OTULIN: variants seen among roughly 807,000 people sequenced by gnomAD.
The protein encoded by OTULIN is ubiquitin thioesterase otulin.
A neutral mutation model predicts 39.6 loss-of-function variants in OTULIN; 15 were observed. That is an observed-to-expected ratio of 0.38 (90% CI 0.25 to 0.58). The LOEUF (loss-of-function observed/expected upper bound fraction) is 0.58, where lower values mean the gene tolerates loss of function less well. Ranked by LOEUF, OTULIN falls within the 20% of genes least tolerant of loss-of-function variation. OTULIN has a pLI of 0.66. For synonymous variants in OTULIN, 156 were observed against 170.3 expected, an observed-to-expected ratio of 0.92 and a Z score of 0.65; for missense variants, 319 against 445.9, an observed-to-expected ratio of 0.72 and a Z score of 2.56.
chr5:14,666,684 C>T (rs1245213873), intron 1 of OTULIN, among the ~76,000 whole-genome samples: 2 of 152,108 alleles, frequency 1.3e-5, no homozygotes, highest in Non-Finnish European at 2.9e-5. Context: ...ATTTTTGTTG[C>T]GTTTGATTAT....
intron 4 of OTULIN, among the ~76,000 whole-genome samples, chr5:14,686,065 C>T (rs1036880033): frequency 1.3e-5 from 2 of 152,176 alleles, no homozygotes; most frequent in East Asian, 1.9e-4. Flanking sequence ...TGATGTAGTT[C>T]GCCATCACTG....
chr5:14,667,878 C>G (rs576901691), intron 1 of OTULIN, among the ~76,000 whole-genome samples: 1 of 152,198 alleles, frequency 6.6e-6, no homozygotes, highest in Admixed American at 6.5e-5. Flanking sequence ...CAAGCTCCCT[C>G]TGCTGCTCTC....
chr5:14,696,343 C>T lies in OTULIN; in HGVS notation c.*3295C>T, dbSNP rs1366184512. ...CATTTTCTTATCTCCTTTTCTTAAGCAGTACTTTGCAGGTACTCCCCTTTG... is the reference window on the plus strand; with the variant it reads ...CATTTTCTTATCTCCTTTTCTTAAGTAGTACTTTGCAGGTACTCCCCTTTG... On this transcript the variant is annotated 3_prime_UTR_variant, in exon 7 of 7. Coordinates refer to ENST00000284274, the MANE Select transcript of OTULIN (RefSeq NM_138348.6). 3 of 152,214 alleles carry T rather than the reference C, an allele frequency of 2.0e-5. No individual in the cohort carries two copies. In the East Asian group the frequency reaches 5.8e-4, roughly 29 times the overall value. The allele number at this position is 152,214 out of a possible 1,614,324, so 9.4% of individuals were successfully genotyped here. A position where few individuals can be genotyped will look rare whatever the true frequency, so the allele number is the denominator to read the frequency against.
At chr5:14,706,179 C>CT in the OTULIN span, 2 of 152,274 alleles carry the variant, frequency 1.3e-5, no homozygotes, top group East Asian at 1.9e-4. Flanking sequence ...GTAAAGTGCA[C>CT]TTTAAGTTAT....
chr5:14,689,966 G>A, intron 5 of OTULIN, 73 bp from the exon 6 acceptor site: 1 of 1,458,608 alleles, frequency 6.9e-7, no homozygotes. Context: ...ATAATTTTGT[G>A]CTCATAGTAT....
intron 2 of OTULIN, among the ~76,000 whole-genome samples, chr5:14,676,012 T>C (rs1421852372): frequency 6.6e-6 from 1 of 152,224 alleles, no homozygotes; most frequent in African/African-American, 2.4e-5. Context: ...AGAAACCTTA[T>C]GGCTCTCCAA....
chr5:14,699,997 T>G (rs1406955259), downstream of OTULIN, among the ~76,000 whole-genome samples: 1 of 152,228 alleles, frequency 6.6e-6, no homozygotes, highest in Non-Finnish European at 1.5e-5. Flanking sequence ...TATGTTTCCT[T>G]AGGCTCTTAC....
rs981906537 is a variant in OTULIN, at chr5:14,695,240, T to C, written c.*2192T>C. 1 of 152,190 alleles carries C rather than the reference T, an allele frequency of 6.6e-6. No individual in the cohort carries two copies. Among genetic ancestry groups the C allele is most frequent in the African/African-American group, 2.4e-5 (1 of 41,456 alleles). 9.4% of individuals were successfully genotyped at this position (152,190 alleles called of 1,614,324 possible). A position where few individuals can be genotyped will look rare whatever the true frequency, so the allele number is the denominator to read the frequency against. On this transcript the variant is annotated 3_prime_UTR_variant, in exon 7 of 7. Coordinates refer to ENST00000284274, the MANE Select transcript of OTULIN (RefSeq NM_138348.6). ...TTCAAATAAATAGTACTTCAGGAAA[T>C]AGAAATGATTGACCAACTTTAAAAA...
chr5:14,673,923 T>C, intron 2 of OTULIN: 1 of 383,496 alleles, frequency 2.6e-6, no homozygotes, highest in Non-Finnish European at 4.7e-6. Flanking sequence ...CTGCATTCTT[T>C]ACATTCATAT....
intron 4 of OTULIN, among the ~76,000 whole-genome samples, chr5:14,686,713 G>A (rs1736396989): frequency 6.6e-6 from 1 of 152,148 alleles, no homozygotes; most frequent in African/African-American, 2.4e-5. Flanking sequence ...AAGACTGTTG[G>A]AAGAGTCTTA....
In OTULIN at chr5:14,698,751, G is replaced by A. The variant is rs1736736888; in HGVS notation, c.*5703G>A. ...CTGACTCTTGACCCCTGGCCATTGT[G>A]AGCAGAGGAATCAAGGGTTTAGGGA... On this transcript the variant is annotated 3_prime_UTR_variant, in exon 7 of 7. Coordinates refer to ENST00000284274, the MANE Select transcript of OTULIN (RefSeq NM_138348.6). The A allele has an allele frequency of 6.6e-6, 1 of 152,330 alleles. No individual in the cohort carries two copies. Among genetic ancestry groups the A allele is most frequent in the Non-Finnish European group, 1.5e-5 (1 of 68,174 alleles). The allele number at this position is 152,330 out of a possible 1,614,324, so 9.4% of individuals were successfully genotyped here.
chr5:14,714,860 C>T, the OTULIN span, among the ~76,000 whole-genome samples: 1 of 152,242 alleles, frequency 6.6e-6, no homozygotes, highest in Non-Finnish European at 1.5e-5. Flanking sequence ...TAGCCTGCTC[C>T]CAGCTGGGGC....
rs1317070673 is a variant in OTULIN, at chr5:14,696,229, A to G, written c.*3181A>G. 1 of 152,172 alleles carries G rather than the reference A, an allele frequency of 6.6e-6. No individual in the cohort carries two copies. Among genetic ancestry groups the G allele is most frequent in the Non-Finnish European group, 1.5e-5 (1 of 68,040 alleles). 9.4% of individuals were successfully genotyped at this position (152,172 alleles called of 1,614,324 possible). On this transcript the variant is annotated 3_prime_UTR_variant, in exon 7 of 7. Transcript: ENST00000284274. ...GTGAAGTGCTGAATCACCTTTAATG[A>G]TACAGCACTTCTGCCATCTCAGCAT... is the stretch of plus-strand genomic sequence containing the variant.
the OTULIN span, among the ~76,000 whole-genome samples, chr5:14,711,753 G>A: frequency 9.2e-5 from 14 of 152,286 alleles, no homozygotes; most frequent in East Asian, 2.3e-3. Context: ...CAGGCTTGCC[G>A]TCATTCTCTC....
intron 1 of OTULIN, among the ~76,000 whole-genome samples, chr5:14,665,506 G>A (rs2455458): frequency 0.33 from 50,726 of 152,086 alleles, 9,599 homozygotes; most frequent in Middle Eastern, 0.46. Context: ...GAAAAGGAAA[G>A]TCAGTGCTGG....
intron 4 of OTULIN, 118 bp downstream of exon 4, chr5:14,681,725 G>GT: frequency 8.4e-7 from 1 of 1,186,446 alleles, no homozygotes; most frequent in Non-Finnish European, 1.1e-6. Flanking sequence ...CAGCATGTGC[G>GT]TTTATTCAGT....
intron 2 of OTULIN, among the ~76,000 whole-genome samples, chr5:14,678,240 G>A (rs1483760163): frequency 6.6e-6 from 1 of 152,234 alleles, no homozygotes; most frequent in African/African-American, 2.4e-5. Flanking sequence ...GGAAGAGCAA[G>A]CCAGGTGTTT....
At chr5:14,672,345 C>T (rs1735998997) in intron 1 of OTULIN, among the ~76,000 whole-genome samples, 1 of 152,106 alleles carries the variant, frequency 6.6e-6, no homozygotes, top group African/African-American at 2.4e-5. Context: ...ACATGTGAGA[C>T]TTCCTTCCTC....
At chr5:14,712,779 C>T in the OTULIN span, 29 of 1,267,328 alleles carry the variant, frequency 2.3e-5, no homozygotes, top group African/African-American at 1.8e-4. Context: ...CCCCCACTGA[C>T]GAACGCCACC....
Sources: allele counts gnomAD v4.1 joint callset (sites outside exome capture counted in the v4.1 genomes callset), GRCh38; gene constraint gnomAD v4.1.1; transcripts MANE v1.5; gene names NCBI Gene and HGNC (gene_info 2026-07-23, HGNC 2026-07-21).